SMARCA5: variants seen among roughly 807,000 people sequenced by gnomAD.
SMARCA5 encodes SWI/SNF-related matrix-associated actin-dependent regulator of chromatin subfamily A member 5.
Under a neutral mutation model 140.4 loss-of-function variants are expected in SMARCA5, and 18 were observed. The observed-to-expected ratio is 0.13, with a 90% CI of 0.09 to 0.19. The LOEUF is 0.19. SMARCA5 is among the 10% of genes least tolerant of loss of function. The probability of loss-of-function intolerance (pLI) is 1.00; values close to 1 mark genes in which losing one functional copy is unlikely to be tolerated. For synonymous variants in SMARCA5, 449 were observed against 419.6 expected (o/e 1.07, Z -0.86); for missense variants, 606 against 1,276.8 (o/e 0.47, Z 8.01).
At chr4:143,533,857 T>A (rs1372857772) in intron 9 of SMARCA5, among the ~76,000 whole-genome samples, 2 of 152,222 alleles carry the variant, frequency 1.3e-5, no homozygotes, top group African/African-American at 4.8e-5. Context: ...GAAAACATTT[T>A]AAAAATTTAC....
chr4:143,529,446 T>A (rs1334248945), intron 8 of SMARCA5, among the ~76,000 whole-genome samples: 2 of 150,672 alleles, frequency 1.3e-5, no homozygotes, highest in African/African-American at 4.8e-5. Context: ...TTTAGTGAAA[T>A]CTGTCTGGCT....
Position 143,555,256 on chromosome 4 carries a change from A to C in SMARCA5, c.*2072A>C, listed in dbSNP as rs1281475848. On this transcript the variant is annotated 3_prime_UTR_variant, in exon 24 of 24. Coordinates refer to ENST00000283131, the MANE Select transcript of SMARCA5 (RefSeq NM_003601.4). ...AGTTTCCTCCCTTCATGGGTCCAAA[A>C]TTTGAAGACTGATTGTTGTCATTGC... The C allele has an allele frequency of 1.2e-6, 1 of 861,586 alleles. No individual in the cohort carries two copies. Among genetic ancestry groups the C allele is most frequent in the Non-Finnish European group, 1.9e-6 (1 of 515,072 alleles). The allele number at this position is 861,586 out of a possible 1,614,324, so 53.4% of individuals were successfully genotyped here.
intron 1 of SMARCA5, among the ~76,000 whole-genome samples, chr4:143,515,835 A>T (rs1442031709): frequency 6.6e-6 from 1 of 152,166 alleles, no homozygotes; most frequent in South Asian, 2.1e-4. Context: ...TTGCTCTGCC[A>T]TGTTCTTACC....
At chr4:143,514,788 A>C (rs1372049814) in intron 1 of SMARCA5, among the ~76,000 whole-genome samples, 4 of 151,974 alleles carry the variant, frequency 2.6e-5, no homozygotes, top group Admixed American at 1.3e-4. Context: ...GGGATGAATA[A>C]GTGTAGGAAT....
chr4:143,542,738 T>C (rs1393412614), intron 14 of SMARCA5, among the ~76,000 whole-genome samples: 1 of 152,208 alleles, frequency 6.6e-6, no homozygotes, highest in African/African-American at 2.4e-5. Context: ...ACCTGTATTT[T>C]TGAAAAATTA....
chr4:143,533,800 T>A (rs996363257), intron 9 of SMARCA5, among the ~76,000 whole-genome samples: 2 of 152,196 alleles, frequency 1.3e-5, no homozygotes, highest in Non-Finnish European at 2.9e-5. Flanking sequence ...TGTTAGACAG[T>A]CTGCATGCAA....
At chr4:143,528,433 GGCT>G (rs1737117801) in intron 7 of SMARCA5, 147 bp from the exon 8 acceptor site, 1 of 591,870 alleles carries the variant, frequency 1.7e-6, no homozygotes, top group Non-Finnish European at 2.9e-6. Context: ...TCTCTTTTAT[GGCT>G]GCGTACTATT....
chr4:143,523,434 G>GT (rs1737004799), intron 3 of SMARCA5, among the ~76,000 whole-genome samples: 1 of 152,048 alleles, frequency 6.6e-6, no homozygotes, highest in Non-Finnish European at 1.5e-5. Context: ...CATTTTGAGA[G>GT]TAACTATAAA....
At chr4:143,543,058 T>C (rs1737462465) in intron 14 of SMARCA5, among the ~76,000 whole-genome samples, 1 of 152,210 alleles carries the variant, frequency 6.6e-6, no homozygotes, top group Non-Finnish European at 1.5e-5. Context: ...TGATGTTACA[T>C]ATTTCAGTTC....
chr4:143,526,181 A>G, intron 5 of SMARCA5, 100 bp from the exon 6 acceptor site: 1 of 945,476 alleles, frequency 1.1e-6, no homozygotes, highest in South Asian at 1.4e-5. Context: ...TGTTATAAAT[A>G]TGTAGCATTT....
In SMARCA5 at chr4:143,542,808, C is replaced by T. The variant is rs549135092; in HGVS notation, c.1904-701C>T. 2.6e-5 allele frequency among the ~76,000 whole-genome samples: 4 copies of T among 152,154 alleles called. No individual in the cohort carries two copies. In the East Asian group the frequency reaches 7.7e-4, roughly 29 times the overall value. On this transcript the variant is annotated intron_variant, in intron 14 of 23. Transcript: ENST00000283131. ...TTATTAATTTATTAATGGTGAGTTT[C>T]TTCGATGATCCAGATACATTTTCTC...
chr4:143,521,893 C>CAAAAAAAAAAAAAA (rs58679947), intron 3 of SMARCA5, among the ~76,000 whole-genome samples: 1 of 44,808 alleles, frequency 2.2e-5, no homozygotes, highest in African/African-American at 8.5e-5. Flanking sequence ...CCCATCTCTA[C>CAAAAAAAAAAAAAA]AAAAAAAAAA....
intron 10 of SMARCA5, among the ~76,000 whole-genome samples, chr4:143,536,009 G>A (rs1737294974): frequency 6.6e-6 from 1 of 151,922 alleles, no homozygotes; most frequent in Admixed American, 6.6e-5. Context: ...TATTCTTCCT[G>A]TCTTCTCAGA....
chr4:143,544,146 A>C (rs530985907), intron 16 of SMARCA5, 174 bp downstream of exon 16: 2 of 402,518 alleles, frequency 5.0e-6, no homozygotes, highest in Non-Finnish European at 8.8e-6. Context: ...TTCAGTTGGT[A>C]AGCTCTGAAA....
At chr4:143,525,830 A>G (rs10013458) in intron 5 of SMARCA5, among the ~76,000 whole-genome samples, 34,286 of 152,190 alleles carry the variant, frequency 0.23, 4,270 homozygotes, top group East Asian at 0.6. Flanking sequence ...TTGTAAAACA[A>G]AAGTGAGGTC....
chr4:143,539,451 A>G (rs1374720940), intron 13 of SMARCA5, among the ~76,000 whole-genome samples: 1 of 151,990 alleles, frequency 6.6e-6, no homozygotes, highest in Non-Finnish European at 1.5e-5. Flanking sequence ...TTATTTTTAG[A>G]TTGAGAGAAT....
chr4:143,553,101 C>T lies in SMARCA5; in HGVS notation c.3094-18C>T. The T allele has an allele frequency of 6.3e-7, 1 of 1,597,692 alleles. No homozygotes were observed. Among genetic ancestry groups the T allele is most frequent in the Non-Finnish European group, 8.6e-7 (1 of 1,165,398 alleles). On this transcript the variant is annotated intron_variant, in intron 23 of 23. Coordinates refer to ENST00000283131, the MANE Select transcript of SMARCA5 (RefSeq NM_003601.4). ...TTATATTAGTCTTGTGAAAAGTAATCCTTCTGTCTGTTTGTAGACACAGAA... is the reference window on the plus strand; with the variant it reads ...TTATATTAGTCTTGTGAAAAGTAATTCTTCTGTCTGTTTGTAGACACAGAA...
In SMARCA5 at chr4:143,556,610, C is replaced by G. The variant is rs1012257444; in HGVS notation, c.*3426C>G. 2 of 152,012 alleles carry G rather than the reference C, an allele frequency of 1.3e-5. No homozygotes were observed. The highest frequency in any genetic ancestry group is 4.8e-5 in the African/African-American group (2 of 41,372). 9.4% of individuals were successfully genotyped at this position (152,012 alleles called of 1,614,324 possible). On this transcript the variant is annotated 3_prime_UTR_variant, in exon 24 of 24. Coordinates refer to ENST00000283131, the MANE Select transcript of SMARCA5 (RefSeq NM_003601.4). Reference sequence around the variant, plus strand: ...CATGTATTAACGGAGTAGCTGTTACCAAAATATATACATATTTTGTATATG... The same window carrying G: ...CATGTATTAACGGAGTAGCTGTTACGAAAATATATACATATTTTGTATATG...
chr4:143,521,360 C>A, intron 2 of SMARCA5, 69 bp from the exon 3 acceptor site: 2 of 1,142,322 alleles, frequency 1.8e-6, no homozygotes, highest in Non-Finnish European at 2.5e-6. Flanking sequence ...TGGAGGCATG[C>A]TGAAACTTTG....
Sources: gnomAD v4.1 joint callset for allele counts (sites outside exome capture counted in the v4.1 genomes callset) on GRCh38, gnomAD v4.1.1 for gene constraint, MANE v1.5 for transcripts, NCBI Gene and HGNC (gene_info 2026-07-23, HGNC 2026-07-21) for gene names.